Variants in IGSF3 observed in about 807,000 individuals in gnomAD.
The protein encoded by IGSF3 is glu-Trp-Ile EWI motif-containing protein 3.
Under a neutral mutation model 114.4 loss-of-function variants are expected in IGSF3, and 23 were observed. The observed-to-expected ratio is 0.20, with a 90% CI of 0.14 to 0.28. The LOEUF (loss-of-function observed/expected upper bound fraction) is 0.28. Among genes scored for constraint, IGSF3 ranks in the 10% least tolerant of loss-of-function variants. The probability of loss-of-function intolerance (pLI) is 1.00; values close to 1 mark genes in which losing one functional copy is unlikely to be tolerated. For missense variants in IGSF3, 1,172 were observed against 1,591.5 expected (o/e 0.74, Z 4.48); for synonymous variants, 571 against 645.2 (o/e 0.88, Z 1.74).
chr1:116,602,039 T>C (rs1431602873), intron 6 of IGSF3, among the ~76,000 whole-genome samples: 2 of 152,194 alleles, frequency 1.3e-5, no homozygotes, highest in Non-Finnish European at 2.9e-5. Flanking sequence ...GATATGAAAA[T>C]TCATGTGTGT....
chr1:116,608,825 AATGCTCAAAG>A (rs1660903206), intron 4 of IGSF3, among the ~76,000 whole-genome samples: 1 of 152,138 alleles, frequency 6.6e-6, no homozygotes, highest in Non-Finnish European at 1.5e-5. Flanking sequence ...AATCCTAACA[AATGCTCAAAG>A]ATGACTATAT....
At chr1:116,609,480 G>A (rs1163798932) in intron 4 of IGSF3, among the ~76,000 whole-genome samples, 1 of 152,070 alleles carries the variant, frequency 6.6e-6, no homozygotes, top group Non-Finnish European at 1.5e-5. Context: ...CACAACCTGT[G>A]TACCAGTGTA....
rs548953326 is a variant in IGSF3, at chr1:116,627,277, C to T, written c.44-10820G>A. On this transcript the variant is annotated intron_variant, in intron 2 of 10. Coordinates refer to ENST00000369486, the MANE Select transcript of IGSF3 (RefSeq NM_001007237.3). This position sits in a 1 kb window ranked among gnomAD's most constrained non-coding sequence, Gnocchi z 4.7. ...GTGCCTCATTCCTTCTCACAGCATA[C>T]ATTTCACAGCAATTACTGTTGCTAT... Among the ~76,000 whole-genome samples the T allele has an allele frequency of 7.2e-5, 11 of 152,316 alleles. No homozygotes were observed. Among genetic ancestry groups the T allele is most frequent in the Admixed American group, 7.2e-4 (11 of 15,306 alleles).
chr1:116,584,683 T>G lies in IGSF3; in HGVS notation c.2810A>C (p.Asp937Ala). 2 of 1,614,136 alleles carry G rather than the reference T, an allele frequency of 1.2e-6. No individual in the cohort carries two copies. Among genetic ancestry groups the G allele is most frequent in the Non-Finnish European group, 1.7e-6 (2 of 1,179,962 alleles). ...PSGMWYKRAEDTAGQTALTVM... is the reference protein window; with the variant it reads ...PSGMWYKRAEATAGQTALTVM... ...TGTCAGAGCTGTCTGCCCAGCGGTG[T>G]CCTCTGCCCGCTTATACCACATGCC... Residue 937 changes from aspartate (D) to alanine (A), a missense_variant, in exon 9 of 11, where the codon GAC becomes GCC. Physicochemically the swap from Asp to Ala is moderately radical, Grantham distance 126. Transcript: ENST00000369486. The surrounding 1 kb of genome is among the most constrained non-coding windows in gnomAD (Gnocchi z 5.8).
chr1:116,610,420 A>G lies in IGSF3; in HGVS notation c.833-2089T>C, dbSNP rs1262692422. 6.6e-6 allele frequency among the ~76,000 whole-genome samples: 1 copy of G among 152,036 alleles called. No homozygotes were observed. The highest frequency in any genetic ancestry group is 1.5e-5 in the Non-Finnish European group (1 of 68,010). ...CATGTTCCCAGGTTGAAGACACAAG[A>G]TTTACCCACATCACCCCCGTTTCTG... is the stretch of plus-strand genomic sequence containing the variant. On this transcript the variant is annotated intron_variant, in intron 4 of 10. Coordinates refer to ENST00000369486, the MANE Select transcript of IGSF3 (RefSeq NM_001007237.3). This position sits in a 1 kb window ranked among gnomAD's most constrained non-coding sequence, Gnocchi z 4.3.
At position 116,647,176 on chromosome 1, in the gene IGSF3, G is replaced by A. The variant is rs533290321; in HGVS notation, c.43+19108C>T. On this transcript the variant is annotated intron_variant, in intron 2 of 10. Transcript: ENST00000369486. The surrounding 1 kb of genome is among the most constrained non-coding windows in gnomAD (Gnocchi z 4.6). Reference sequence around the variant, plus strand: ...GAAGGTCAGGAGAGACCCAGGCAGCGATGCCCAAATGACCGGCTGAGGAAT... The same window carrying A: ...GAAGGTCAGGAGAGACCCAGGCAGCAATGCCCAAATGACCGGCTGAGGAAT... Among the ~76,000 whole-genome samples, 9 of 152,342 alleles carry A rather than the reference G, an allele frequency of 5.9e-5. No individual in the cohort carries two copies. The highest frequency in any genetic ancestry group is 1.9e-4 in the East Asian group (1 of 5,190).
rs540104614 is a variant in IGSF3, at chr1:116,624,312, C to T, written c.44-7855G>A. Among the ~76,000 whole-genome samples the T allele has an allele frequency of 6.6e-6, 1 of 152,140 alleles. No individual in the cohort carries two copies. Among genetic ancestry groups the T allele is most frequent in the Non-Finnish European group, 1.5e-5 (1 of 68,044 alleles). ...AGTTTGGATCGAATTCCTAAGTCTTCGCCTTCACTGACTTCCCACAGCATG... is the reference window on the plus strand; with the variant it reads ...AGTTTGGATCGAATTCCTAAGTCTTTGCCTTCACTGACTTCCCACAGCATG... On this transcript the variant is annotated intron_variant, in intron 2 of 10. Transcript: ENST00000369486. This position sits in a 1 kb window ranked among gnomAD's most constrained non-coding sequence, Gnocchi z 4.9.
rs912010767 is a variant in IGSF3, at chr1:116,649,559, T to C, written c.43+16725A>G. Reference sequence around the variant, plus strand: ...ATCTTCCTCCCCTAGATATCCATCTTACCCTTCTTCACCAGTTAATTTATT... The same window carrying C: ...ATCTTCCTCCCCTAGATATCCATCTCACCCTTCTTCACCAGTTAATTTATT... On this transcript the variant is annotated intron_variant, in intron 2 of 10. Transcript: ENST00000369486. This position sits in a 1 kb window ranked among gnomAD's most constrained non-coding sequence, Gnocchi z 4.5. 2.0e-4 allele frequency among the ~76,000 whole-genome samples: 31 copies of C among 152,230 alleles called. No individual in the cohort carries two copies. The highest frequency in any genetic ancestry group is 4.4e-5 in the Non-Finnish European group (3 of 68,044).
rs115971059 is a variant in IGSF3, at chr1:116,628,399, C to A, written c.44-11942G>T. Among the ~76,000 whole-genome samples, 2,044 of 149,146 alleles carry A rather than the reference C, an allele frequency of 0.014. 56 individuals are homozygous for A. The highest frequency in any genetic ancestry group is 0.048 in the African/African-American group (1,957 of 40,734). On this transcript the variant is annotated intron_variant, in intron 2 of 10. Transcript: ENST00000369486. This position sits in a 1 kb window ranked among gnomAD's most constrained non-coding sequence, Gnocchi z 4.2. ...GAAAGCAATCTGACTGGCTGGGAGACTTTTTTTTTTAACCAGGCCCCCAGA... is the reference window on the plus strand; with the variant it reads ...GAAAGCAATCTGACTGGCTGGGAGAATTTTTTTTTTAACCAGGCCCCCAGA...
At position 116,661,732 on chromosome 1, in the gene IGSF3, T is replaced by G. The variant is rs1027279269; in HGVS notation, c.43+4552A>C. On this transcript the variant is annotated intron_variant, in intron 2 of 10. Coordinates refer to ENST00000369486, the MANE Select transcript of IGSF3 (RefSeq NM_001007237.3). This position sits in a 1 kb window ranked among gnomAD's most constrained non-coding sequence, Gnocchi z 4.0. ...ATGGGCAGCTGTCCCCCAAAATCTG[T>G]TCTCTCCTTTCCCTACAGTCATAGA... Among the ~76,000 whole-genome samples the G allele has an allele frequency of 1.3e-5, 2 of 152,118 alleles. No homozygotes were observed. Among genetic ancestry groups the G allele is most frequent in the African/African-American group, 4.8e-5 (2 of 41,440 alleles).
At position 116,612,132 on chromosome 1, in the gene IGSF3, A is replaced by C. The variant is rs1661044906; in HGVS notation, c.832+1633T>G. ...GGTAAGATTAAAATAAAGAAGATTA[A>C]CTGATGCAACCTAATTTAAAAGCAT... On this transcript the variant is annotated intron_variant, in intron 4 of 10. Transcript: ENST00000369486. The surrounding 1 kb of genome is among the most constrained non-coding windows in gnomAD (Gnocchi z 4.1). 6.6e-6 allele frequency among the ~76,000 whole-genome samples: 1 copy of C among 151,888 alleles called. No individual in the cohort carries two copies. The highest frequency in any genetic ancestry group is 2.4e-5 in the African/African-American group (1 of 41,132).
chr1:116,626,928 T>A (rs80093390), intron 2 of IGSF3, among the ~76,000 whole-genome samples: 15 of 152,198 alleles, frequency 9.9e-5, no homozygotes, highest in African/African-American at 3.6e-4. Context: ...GACACTTTTT[T>A]CAGCCCAACC....
rs1371085283 is a variant in IGSF3 at position 116,633,991 on chromosome 1, G to A, written c.44-17534C>T. Among the ~76,000 whole-genome samples the A allele has an allele frequency of 2.0e-5, 3 of 151,964 alleles. No individual in the cohort carries two copies. The highest frequency in any genetic ancestry group is 4.4e-5 in the Non-Finnish European group (3 of 67,934). On this transcript the variant is annotated intron_variant, in intron 2 of 10. Transcript: ENST00000369486. The surrounding 1 kb of genome is among the most constrained non-coding windows in gnomAD (Gnocchi z 4.3). ...TGCCATCGAGGCTAAAACCAAAGCA[G>A]GAGCAAATCAGCCCTGCTAATGTGT...
chr1:116,623,932 A>G (rs1173311725), intron 2 of IGSF3, among the ~76,000 whole-genome samples: 1 of 150,622 alleles, frequency 6.6e-6, no homozygotes, highest in East Asian at 2.0e-4. Flanking sequence ...CTGAAAATAC[A>G]AAAATTTAGC....
At chr1:116,659,254 C>T (rs1649010316) in intron 2 of IGSF3, among the ~76,000 whole-genome samples, 1 of 152,014 alleles carries the variant, frequency 6.6e-6, no homozygotes, top group African/African-American at 2.4e-5. Context: ...TGATTTTTGC[C>T]CTTCTGAAGG....
rs751003121 is a variant in IGSF3, at chr1:116,588,997, A to C, written c.2137T>G (p.Phe713Val). 1 of 1,614,210 alleles carries C rather than the reference A, an allele frequency of 6.2e-7. No individual in the cohort carries two copies. The highest frequency in any genetic ancestry group is 1.1e-5 in the South Asian group (1 of 91,084). The change falls in exon 8 of 11, where the codon TTT becomes GTT. Residue 713 changes from phenylalanine (F) to valine (V), a missense_variant. Transcript: ENST00000369486. The surrounding 1 kb of genome is among the most constrained non-coding windows in gnomAD (Gnocchi z 4.9). ...VKSQTSQNSH[F>V]AVLWYVHKPS... ...TTGTGGACATACCAGAGCACCGCAAAGTGGGAGTTCTGGCTAGTCTGAGAC... is the reference window on the plus strand; with the variant it reads ...TTGTGGACATACCAGAGCACCGCAACGTGGGAGTTCTGGCTAGTCTGAGAC...
Position 116,666,565 on chromosome 1 carries a change from A to C in IGSF3, c.-239T>G. The C allele has an allele frequency of 1.7e-6, 1 of 600,580 alleles. No individual in the cohort carries two copies. Among genetic ancestry groups the C allele is most frequent in the East Asian group, 2.7e-5 (1 of 36,374 alleles). 37.2% of individuals were successfully genotyped at this position (600,580 alleles called of 1,614,324 possible). On this transcript the variant is annotated 5_prime_UTR_variant, in exon 2 of 11. Transcript: ENST00000369486. ...CAGGAAGGGTCCACAACAATTCGGA[A>C]GTCGCTCCCGGCTCCTGCCACATCG...
rs542434051 is a variant in IGSF3, at chr1:116,608,195, C to T, written c.969G>A (p.Ser323=). The change falls in exon 5 of 11, where the codon TCG becomes TCA. Residue 323 remains serine, a synonymous_variant. Transcript: ENST00000369486. ...CGTTAGGACCCATGGTGGCGATGAG[C>T]GAGCTGTTGAAGGCCCAGGAGACAG... ...YFAVSWAFNS[S]LIATMGPNAV... The T allele has an allele frequency of 3.7e-6, 6 of 1,611,544 alleles. 1 individual carries two copies. Among genetic ancestry groups the T allele is most frequent in the South Asian group, 3.3e-5 (3 of 90,980 alleles).
intron 2 of IGSF3, among the ~76,000 whole-genome samples, chr1:116,639,004 C>T (rs770248666): frequency 1.3e-5 from 2 of 152,218 alleles, no homozygotes; most frequent in Non-Finnish European, 2.9e-5. Flanking sequence ...AACAAAGCAA[C>T]TAACTGTACC....
Sources: allele counts gnomAD v4.1 joint callset (sites outside exome capture counted in the v4.1 genomes callset), GRCh38; gene constraint gnomAD v4.1.1; non-coding constraint Gnocchi (gnomAD v3.1); transcripts MANE v1.5; gene names NCBI Gene and HGNC (gene_info 2026-07-23, HGNC 2026-07-21).